ATMIN: variants seen among roughly 807,000 people sequenced by gnomAD.
ATMIN encodes ATM interactor, also known as ATM INteracting protein.
Under a neutral mutation model 49.2 loss-of-function variants are expected in ATMIN, and 24 were observed. That is an observed-to-expected ratio of 0.49 (90% CI 0.35 to 0.69). ATMIN has a LOEUF of 0.69. ATMIN is among the 30% of genes least tolerant of loss of function. ATMIN has a pLI of 0.00. For missense variants in ATMIN, 1,037 were observed against 1,005.5 expected (o/e 1.03, Z -0.42); for synonymous variants, 450 against 392.5 (o/e 1.15, Z -1.73).
At chr16:81,043,038 G>A in intron 3 of ATMIN, 123 bp from the exon 4 acceptor site, 1 of 1,211,462 alleles carries the variant, frequency 8.3e-7, no homozygotes, top group Non-Finnish European at 1.1e-6. Context: ...GATTTATCTT[G>A]TCTGGGTTGA....
At position 81,035,977 on chromosome 16, in the gene ATMIN, C is replaced by T. The variant is rs1214273585; in HGVS notation, c.107C>T (p.Pro36Leu). 5.5e-6 allele frequency: 6 copies of T among 1,082,422 alleles called. No homozygotes were observed. Among genetic ancestry groups the T allele is most frequent in the East Asian group, 5.7e-5 (1 of 17,650 alleles). 67.1% of individuals were successfully genotyped at this position (1,082,422 alleles called of 1,614,324 possible). The stretch of plus-strand genomic sequence containing the variant: ...GGAGCCGCCGCCGCCGCCTCGGGCC[C>T]GTGGGTGCCCCCGGGACCCCGACTG... ...TTGAAAAASG[P>L]WVPPGPRLRG... is the part of the protein sequence containing the mutation. Residue 36 changes from proline to leucine, a missense_variant, in exon 1 of 4, where the codon CCG becomes CTG. By Grantham distance (98) the Pro-to-Leu change is moderately conservative. Transcript: ENST00000299575.
Position 81,041,311 on chromosome 16 carries a change from G to A in ATMIN, c.337-45G>A, listed in dbSNP as rs375089638. 11 of 1,575,570 alleles carry A rather than the reference G, an allele frequency of 7.0e-6. No homozygotes were observed. In the African/African-American group the frequency reaches 1.5e-4, roughly 22 times the overall value. Reference sequence around the variant, plus strand: ...TTCCGTTTCCACTCCAGCCTGTTGTGTTGTTTTTTTGAAATAATAATTTAA... The same window carrying A: ...TTCCGTTTCCACTCCAGCCTGTTGTATTGTTTTTTTGAAATAATAATTTAA... On this transcript the variant is annotated intron_variant, in intron 1 of 3. Transcript: ENST00000299575.
Position 81,046,068 on chromosome 16 carries a change from AT to A in ATMIN, c.*1099del, listed in dbSNP as rs1361968681. On this transcript the variant is annotated 3_prime_UTR_variant, in exon 4 of 4. Transcript: ENST00000299575. ...ATCCAAACCTTGGGAACAGGGAGTT[AT>A]GGAAACATGCCTATGACTTCATCTT... The A allele has an allele frequency of 1.3e-5, 2 of 151,910 alleles. No homozygotes were observed. The highest frequency in any genetic ancestry group is 2.9e-5 in the Non-Finnish European group (2 of 68,030). 9.4% of individuals were successfully genotyped at this position (151,910 alleles called of 1,614,324 possible).
chr16:81,044,025 C>T lies in ATMIN; in HGVS notation c.1527C>T (p.Asp509=). 1 of 1,614,140 alleles carries T rather than the reference C, an allele frequency of 6.2e-7. No homozygotes were observed. ...ESPTDDHVQM[D]QAGMCGDIFE... ...CAACGGATGACCATGTACAGATGGA[C>T]CAAGCTGGAATGTGCGGAGACATTT... Residue 509 remains aspartate, a synonymous_variant, in exon 4 of 4, where the codon GAC becomes GAT. Transcript: ENST00000299575.
Position 81,046,258 on chromosome 16 carries a change from T to A in ATMIN, c.*1288T>A, listed in dbSNP as rs1971117739. ...AAGGGCATCCCCCATTAGGTTTCAA[T>A]ACTTTGCACTTCTACTAAGCTTGAT... On this transcript the variant is annotated 3_prime_UTR_variant, in exon 4 of 4. Transcript: ENST00000299575. 6.6e-6 allele frequency: 1 copy of A among 152,198 alleles called. No homozygotes were observed. Among genetic ancestry groups the A allele is most frequent in the Non-Finnish European group, 1.5e-5 (1 of 68,038 alleles). The allele number at this position is 152,198 out of a possible 1,614,324, so 9.4% of individuals were successfully genotyped here.
Position 81,045,055 on chromosome 16 carries a change from C to G in ATMIN, c.*85C>G, listed in dbSNP as rs186061880. On this transcript the variant is annotated 3_prime_UTR_variant, in exon 4 of 4. Coordinates refer to ENST00000299575, the MANE Select transcript of ATMIN (RefSeq NM_015251.3). The stretch of plus-strand genomic sequence containing the variant: ...CGGACTGGGGACAACAGTATTAATT[C>G]GATTGAATGTGGCTGATGATGCAGT... The G allele has an allele frequency of 4.8e-4, 713 of 1,493,342 alleles. 3 individuals are homozygous for G. In the African/African-American group the frequency reaches 6.9e-3, roughly 14 times the overall value. 92.5% of individuals were successfully genotyped at this position (1,493,342 alleles called of 1,614,324 possible).
rs140198157 is a variant in ATMIN, at chr16:81,043,258, A to G, written c.760A>G (p.Arg254Gly). Residue 254 changes from arginine (R) to glycine (G), a missense_variant, in exon 4 of 4, where the codon AGA becomes GGA. Arg to Gly is a moderately radical substitution (Grantham distance 125). Transcript: ENST00000299575. ...ATCATTGAACAACCAACCAATCCCT[A>G]GACCAGACACTCAAGAACTAGAAGC... is the stretch of plus-strand genomic sequence containing the variant. Reference protein sequence around the residue: ...IESLNNQPIPRPDTQELEASE... With the variant: ...IESLNNQPIPGPDTQELEASE... 379 of 1,614,182 alleles carry G rather than the reference A, an allele frequency of 2.3e-4. 1 individual carries two copies. In the African/African-American group the frequency reaches 4.5e-3, roughly 19 times the overall value.
intron 1 of ATMIN, among the ~76,000 whole-genome samples, chr16:81,038,513 T>C (rs576216009): frequency 6.6e-6 from 1 of 152,294 alleles, no homozygotes; most frequent in East Asian, 1.9e-4. Context: ...TTTCCTGTCT[T>C]GTCCTGGCTT....
At position 81,035,989 on chromosome 16, in the gene ATMIN, C is replaced by T. The variant is rs1387736248; in HGVS notation, c.119C>T (p.Pro40Leu). Residue 40 changes from proline to leucine, a missense_variant, in exon 1 of 4, where the codon CCG becomes CTG. Physicochemically the swap from Pro to Leu is moderately conservative, Grantham distance 98 (BLOSUM62 -3). Coordinates refer to ENST00000299575, the MANE Select transcript of ATMIN (RefSeq NM_015251.3). ...GCCGCCTCGGGCCCGTGGGTGCCCC[C>T]GGGACCCCGACTGAGGGGCAGCCGG... ...AAAASGPWVPPGPRLRGSRPR... is the reference protein window; with the variant it reads ...AAAASGPWVPLGPRLRGSRPR... 6.0e-5 allele frequency: 66 copies of T among 1,108,090 alleles called. No individual in the cohort carries two copies. The highest frequency in any genetic ancestry group is 7.3e-5 in the Non-Finnish European group (66 of 908,882). The allele number at this position is 1,108,090 out of a possible 1,614,324, so 68.6% of individuals were successfully genotyped here.
At chr16:81,037,629 T>C (rs902520397) in intron 1 of ATMIN, 2 of 506,518 alleles carry the variant, frequency 3.9e-6, no homozygotes, top group South Asian at 1.7e-4. Context: ...TTCCCTATTG[T>C]TTTTGTGTTT....
rs1971085468 is a variant in ATMIN, at chr16:81,044,391, C to T, written c.1893C>T (p.Asn631=). The T allele has an allele frequency of 6.2e-7, 1 of 1,614,094 alleles. No individual in the cohort carries two copies. Among genetic ancestry groups the T allele is most frequent in the South Asian group, 1.1e-5 (1 of 91,070 alleles). ...AGCTCCCATCTGGCCCAGCCCAGAACCCCGGAATCGATTTTGATATCGAAG... is the reference window on the plus strand; with the variant it reads ...AGCTCCCATCTGGCCCAGCCCAGAATCCCGGAATCGATTTTGATATCGAAG... ...DTQLPSGPAQ[N]PGIDFDIEEF... Residue 631 remains asparagine, a synonymous_variant, in exon 4 of 4, where the codon AAC becomes AAT. Transcript: ENST00000299575.
In ATMIN at chr16:81,045,182, TTTTG is replaced by T; in HGVS notation, c.*214_*217del. The stretch of plus-strand genomic sequence containing the variant: ...AGTTTGAGATGTTGATCTAAATTGT[TTTTG>T]TGTTGCCTACATTTGCCTTTTCACA... On this transcript the variant is annotated 3_prime_UTR_variant, in exon 4 of 4. Transcript: ENST00000299575. 3.3e-6 allele frequency: 2 copies of T among 609,146 alleles called. No homozygotes were observed. The highest frequency in any genetic ancestry group is 5.3e-6 in the Non-Finnish European group (2 of 377,996). 37.7% of individuals were successfully genotyped at this position (609,146 alleles called of 1,614,324 possible).
rs1971083430 is a variant in ATMIN, at chr16:81,044,264, A to G, written c.1766A>G (p.Asp589Gly). The G allele has an allele frequency of 1.2e-6, 2 of 1,613,962 alleles. No individual in the cohort carries two copies. The highest frequency in any genetic ancestry group is 1.7e-5 in the Admixed American group (1 of 59,990). The stretch of plus-strand genomic sequence containing the variant: ...ACAGATAATCAGACCCAAACCATAG[A>G]TTTATTAAGTGATTTGGAAAACATC... Reference protein sequence around the residue: ...NMTDNQTQTIDLLSDLENILS... With the variant: ...NMTDNQTQTIGLLSDLENILS... The change falls in exon 4 of 4, where the codon GAT (aspartate) becomes GGT (glycine). Residue 589 changes from aspartate (D) to glycine (G), a missense_variant. Asp to Gly is a moderately conservative substitution (Grantham distance 94). Coordinates refer to ENST00000299575, the MANE Select transcript of ATMIN (RefSeq NM_015251.3).
In ATMIN at chr16:81,044,875, C is replaced by T; in HGVS notation, c.2377C>T (p.Leu793Phe). Reference sequence around the variant, plus strand: ...AACTCAGACAGCAATGGATGACTTTCTTCTGGCTGATCTGGCCTGGAACAC... The same window carrying T: ...AACTCAGACAGCAATGGATGACTTTTTTCTGGCTGATCTGGCCTGGAACAC... ...NETQTAMDDF[L>F]LADLAWNTME... Residue 793 changes from leucine to phenylalanine, a missense_variant, in exon 4 of 4, where the codon CTT becomes TTT. By Grantham distance (22) the Leu-to-Phe change is conservative. Transcript: ENST00000299575. 1 of 1,614,210 alleles carries T rather than the reference C, an allele frequency of 6.2e-7. No individual in the cohort carries two copies. The highest frequency in any genetic ancestry group is 8.5e-7 in the Non-Finnish European group (1 of 1,180,030).
At position 81,044,317 on chromosome 16, in the gene ATMIN, T is replaced by C. The variant is rs761590524; in HGVS notation, c.1819T>C (p.Leu607=). 5.6e-6 allele frequency: 9 copies of C among 1,614,046 alleles called. No individual in the cohort carries two copies. The African/African-American group carries it at 9.3e-5, about 17-fold the overall frequency. Residue 607 remains leucine (L), a synonymous_variant, in exon 4 of 4, where the codon TTG becomes CTG. Transcript: ENST00000299575. The stretch of plus-strand genomic sequence containing the variant: ...GTCAAGTAATCTGCCTGCTCAGACA[T>C]TGGATCATCGTAGTCTTTTGTCTGA... ...ILSSNLPAQT[L]DHRSLLSDTN... is the part of the protein sequence containing the mutation.
chr16:81,041,896 C>T (rs1971042728), intron 2 of ATMIN, among the ~76,000 whole-genome samples: 2 of 152,182 alleles, frequency 1.3e-5, no homozygotes, highest in Admixed American at 1.3e-4. Flanking sequence ...GCCCCAGTGA[C>T]TGGGACAAGA....
At position 81,036,082 on chromosome 16, in the gene ATMIN, C is replaced by A; in HGVS notation, c.212C>A (p.Pro71Gln). The A allele has an allele frequency of 1.5e-6, 2 of 1,343,668 alleles. No individual in the cohort carries two copies. The highest frequency in any genetic ancestry group is 2.4e-5 in the Admixed American group (1 of 41,446). 83.2% of individuals were successfully genotyped at this position (1,343,668 alleles called of 1,614,324 possible). A position where few individuals can be genotyped will look rare whatever the true frequency, so the allele number is the denominator to read the frequency against. The change falls in exon 1 of 4, where the codon CCG becomes CAG. Residue 71 changes from proline to glutamine, a missense_variant. By Grantham distance (76) the Pro-to-Gln change is moderately conservative. Transcript: ENST00000299575. The part of the protein sequence containing the change: ...PAPPAGELIQ[P>Q]SVSELSRAVR... ...CCGCCGGCGGGGGAGCTGATCCAGC[C>A]GTCGGTGAGCGAGCTGTCCCGGGCC... is the stretch of plus-strand genomic sequence containing the variant.
Position 81,043,744 on chromosome 16 carries a change from G to T in ATMIN, c.1246G>T (p.Asp416Tyr). Residue 416 changes from aspartate to tyrosine, a missense_variant, in exon 4 of 4, where the codon GAT (aspartate) becomes TAT (tyrosine). By Grantham distance (160) the Asp-to-Tyr change is radical. Transcript: ENST00000299575. The stretch of plus-strand genomic sequence containing the variant: ...CATTTCTTCAATCAACGTGCAGACA[G>T]ATCTGTCTTATGCCTCACAAAACTT... Reference protein sequence around the residue: ...NSISSINVQTDLSYASQNFIP... With the variant: ...NSISSINVQTYLSYASQNFIP... 4 of 1,614,242 alleles carry T rather than the reference G, an allele frequency of 2.5e-6. No homozygotes were observed. The South Asian group carries it at 4.4e-5, about 18-fold the overall frequency.
In ATMIN at chr16:81,041,109, G is replaced by A. The variant is rs1176683916; in HGVS notation, c.337-247G>A. 6 of 387,330 alleles carry A rather than the reference G, an allele frequency of 1.5e-5. No individual in the cohort carries two copies. In the East Asian group the frequency reaches 2.8e-4, roughly 18 times the overall value. The allele number at this position is 387,330 out of a possible 1,614,324, so 24.0% of individuals were successfully genotyped here. A position where few individuals can be genotyped will look rare whatever the true frequency, so the allele number is the denominator to read the frequency against. The stretch of plus-strand genomic sequence containing the variant: ...TACAAGGGGGGCATCTCCCTGGAAT[G>A]TAAATTGACTAAGAGGAATTCAGTA... On this transcript the variant is annotated intron_variant, in intron 1 of 3. Coordinates refer to ENST00000299575, the MANE Select transcript of ATMIN (RefSeq NM_015251.3).
Sources: allele counts gnomAD v4.1 joint callset (sites outside exome capture counted in the v4.1 genomes callset), GRCh38; gene constraint gnomAD v4.1.1; transcripts MANE v1.5; gene names NCBI Gene and HGNC (gene_info 2026-07-23, HGNC 2026-07-21).